The following BTBD9 variants were observed in gnomAD, a reference collection of about 807,000 sequenced individuals.
BTBD9 encodes the protein BTB/POZ domain-containing protein 9.
BTBD9 carries 49 observed loss-of-function variants against 64.3 expected under a neutral mutation model. The ratio of observed to expected loss-of-function variants is 0.76; its 90% CI spans 0.61 to 0.97. BTBD9 has a LOEUF of 0.97. Among genes scored for constraint, BTBD9 ranks in the 50% least tolerant of loss-of-function variants. The pLI is 0.00. For synonymous variants in BTBD9, 260 were observed against 274.7 expected (o/e 0.95, Z 0.53); for missense variants, 598 against 762.1 (o/e 0.78, Z 2.53).
At chr6:38,626,723 G>A (rs1778181284) in intron 1 of BTBD9, among the ~76,000 whole-genome samples, 1 of 152,182 alleles carries the variant, frequency 6.6e-6, no homozygotes, top group Non-Finnish European at 1.5e-5. Context: ...TCCACTTAGT[G>A]ACTACATGCT....
intron 6 of BTBD9, among the ~76,000 whole-genome samples, chr6:38,378,123 C>T (rs1562100643): frequency 1.3e-5 from 2 of 152,300 alleles, no homozygotes; most frequent in East Asian, 3.9e-4. Flanking sequence ...GGGGAACCCT[C>T]CCCCTTATCT....
intron 10 of BTBD9, among the ~76,000 whole-genome samples, chr6:38,176,017 A>G (rs1340558077): frequency 1.3e-5 from 2 of 152,230 alleles, no homozygotes; most frequent in African/African-American, 2.4e-5. Flanking sequence ...CTCTGTGCCA[A>G]CACCGTGCCA....
At chr6:38,354,497 T>C (rs1450276464) in intron 6 of BTBD9, among the ~76,000 whole-genome samples, 1 of 152,302 alleles carries the variant, frequency 6.6e-6, no homozygotes, top group Admixed American at 6.5e-5. Flanking sequence ...ACAGAACATA[T>C]GGTCCTTGAA....
chr6:38,196,804 TG>T (rs1762285964), intron 9 of BTBD9, among the ~76,000 whole-genome samples: 1 of 152,208 alleles, frequency 6.6e-6, no homozygotes, highest in South Asian at 2.1e-4. Context: ...GTTTGATGCT[TG>T]GAAACAATTT....
Position 38,171,291 on chromosome 6 carries a change from A to G in BTBD9, c.*3694T>C, listed in dbSNP as rs1766748357. On this transcript the variant is annotated 3_prime_UTR_variant, in exon 11 of 11. Transcript: ENST00000481247. Reference sequence around the variant, plus strand: ...ATAATACTGGGCAATTTTTTGCACAATTCAAAAGCTTTTTTTCTCTTTTTT... The same window carrying G: ...ATAATACTGGGCAATTTTTTGCACAGTTCAAAAGCTTTTTTTCTCTTTTTT... The G allele has an allele frequency of 1.3e-5, 2 of 152,338 alleles. No homozygotes were observed. Among genetic ancestry groups the G allele is most frequent in the East Asian group, 3.9e-4 (2 of 5,186 alleles). The allele number at this position is 152,338 out of a possible 1,614,324, so 9.4% of individuals were successfully genotyped here.
chr6:38,287,191 T>A (rs964352208), intron 8 of BTBD9, among the ~76,000 whole-genome samples: 1 of 149,256 alleles, frequency 6.7e-6, no homozygotes, highest in African/African-American at 2.5e-5. Flanking sequence ...AGTACAGTAA[T>A]GTCCTAGGCC....
At position 38,175,034 on chromosome 6, in the gene BTBD9, G is replaced by A. The variant is rs754958660; in HGVS notation, c.1790C>T (p.Pro597Leu). Residue 597 changes from proline (P) to leucine (L), a missense_variant, in exon 11 of 11, where the codon CCC becomes CTC. Physicochemically the swap from Pro to Leu is moderately conservative, Grantham distance 98 (BLOSUM62 -3). Transcript: ENST00000481247. ...ALRAPSGSSL[P>L]SSPGSNSRSP... is the part of the protein sequence containing the mutation. ...GCGTGAGTTGGAGCCTGGGCTGGAG[G>A]GTAGTGAGCTGCCACTAGGCGCCCG... 6 of 1,614,034 alleles carry A rather than the reference G, an allele frequency of 3.7e-6. No individual in the cohort carries two copies. In the African/African-American group the frequency reaches 6.7e-5, roughly 18 times the overall value.
In BTBD9 at chr6:38,489,803, C is replaced by T. The variant is rs114004749; in HGVS notation, c.1154+87797G>A. Among the ~76,000 whole-genome samples the T allele has an allele frequency of 7.0e-3, 1,064 of 152,310 alleles. 7 individuals are homozygous for T. Among genetic ancestry groups the T allele is most frequent in the African/African-American group, 0.024 (1,005 of 41,560 alleles). ...TGAATTGTCTATTCCCAATGTCACA[C>T]GTCCTATTCCCATTTTTCTTCTGAG... is the stretch of plus-strand genomic sequence containing the variant. On this transcript the variant is annotated intron_variant, in intron 6 of 10. Transcript: ENST00000481247.
chr6:38,475,077 A>C (rs1770819187), intron 6 of BTBD9, among the ~76,000 whole-genome samples: 1 of 152,210 alleles, frequency 6.6e-6, no homozygotes, highest in Admixed American at 6.5e-5. Context: ...TTAATAATGT[A>C]GGGAAAAGTA....
At chr6:38,417,962 A>C (rs1322217745) in intron 6 of BTBD9, among the ~76,000 whole-genome samples, 1 of 152,190 alleles carries the variant, frequency 6.6e-6, no homozygotes, top group African/African-American at 2.4e-5. Context: ...TTTAAAAGGC[A>C]CACCTTTTAA....
intron 1 of BTBD9, among the ~76,000 whole-genome samples, chr6:38,620,540 T>C (rs1230885536): frequency 6.6e-6 from 1 of 152,166 alleles, no homozygotes; most frequent in Non-Finnish European, 1.5e-5. Context: ...TGTGGATGAT[T>C]TACTTTTGGC....
intron 6 of BTBD9, among the ~76,000 whole-genome samples, chr6:38,508,264 C>T (rs1285357470): frequency 1.3e-5 from 2 of 152,030 alleles, no homozygotes; most frequent in Non-Finnish European, 2.9e-5. Context: ...ACTTTATCAC[C>T]TTCCTCTGTC....
At chr6:38,520,392 C>A (rs2127419039) in intron 6 of BTBD9, among the ~76,000 whole-genome samples, 1 of 151,066 alleles carries the variant, frequency 6.6e-6, no homozygotes, top group East Asian at 2.0e-4. Flanking sequence ...ACCCGAGAGG[C>A]AGAGGTTGCA....
At chr6:38,440,688 T>C (rs1262491490) in intron 6 of BTBD9, among the ~76,000 whole-genome samples, 1 of 152,232 alleles carries the variant, frequency 6.6e-6, no homozygotes, top group Non-Finnish European at 1.5e-5. Flanking sequence ...ATATTACTTT[T>C]AGGTATGTCA....
intron 8 of BTBD9, among the ~76,000 whole-genome samples, chr6:38,269,989 A>G: frequency 6.6e-6 from 1 of 152,160 alleles, no homozygotes. Flanking sequence ...CCGGTGATAG[A>G]CACTGGATGA....
At chr6:38,289,105 G>A (rs1269750782) in intron 7 of BTBD9, among the ~76,000 whole-genome samples, 2 of 152,082 alleles carry the variant, frequency 1.3e-5, no homozygotes, top group Admixed American at 6.6e-5. Context: ...AGGCACGGTG[G>A]CTCACACCTG....
chr6:38,288,791 G>A (rs1482634986), intron 7 of BTBD9, among the ~76,000 whole-genome samples: 1 of 152,104 alleles, frequency 6.6e-6, no homozygotes, highest in African/African-American at 2.4e-5. Flanking sequence ...GCCAGGCGTG[G>A]TGGCGTGTGC....
At position 38,624,493 on chromosome 6, in the gene BTBD9, T is replaced by C. The variant is rs372355048; in HGVS notation, c.-28+15307A>G. Among the ~76,000 whole-genome samples, 63 of 152,294 alleles carry C rather than the reference T, an allele frequency of 4.1e-4. 1 individual carries two copies. The highest frequency in any genetic ancestry group is 1.3e-3 in the African/African-American group (54 of 41,552). On this transcript the variant is annotated intron_variant, in intron 1 of 10. Coordinates refer to ENST00000481247, the MANE Select transcript of BTBD9 (RefSeq NM_001099272.2). ...GGAACCAACTCTGGACACAGGAGGA[T>C]TGCTTGAGCCCAAGAGTTTGAGACC...
At chr6:38,519,098 A>G (rs1459309489) in intron 6 of BTBD9, among the ~76,000 whole-genome samples, 2 of 152,200 alleles carry the variant, frequency 1.3e-5, no homozygotes, top group Non-Finnish European at 2.9e-5. Context: ...TCTGCTGCAG[A>G]TATGTATAGT....
Sources: allele counts gnomAD v4.1 joint callset (sites outside exome capture counted in the v4.1 genomes callset), GRCh38; gene constraint gnomAD v4.1.1; transcripts MANE v1.5; gene names NCBI Gene and HGNC (gene_info 2026-07-23, HGNC 2026-07-21).